Variants in MOGAT3 observed in about 807,000 individuals in gnomAD.
MOGAT3 encodes the protein 2-acylglycerol O-acyltransferase 3.
MOGAT3 carries 39 observed loss-of-function variants against 34.4 expected under a neutral mutation model. The ratio of observed to expected loss-of-function variants is 1.13; its 90% confidence interval spans 0.88 to 1.48. The LOEUF is 1.48. Among genes scored for constraint, MOGAT3 ranks in the 40% most tolerant of loss-of-function variants. The pLI, the probability that MOGAT3 is intolerant of heterozygous loss-of-function variation, is 0.00. For missense variants in MOGAT3, 439 were observed against 438.9 expected (o/e 1.00, Z 0.00); for synonymous variants, 209 against 179.2 (o/e 1.17, Z -1.33).
chr7:101,194,018 G>A (rs758622642), downstream of MOGAT3, among the ~76,000 whole-genome samples: 13 of 151,740 alleles, frequency 8.6e-5, no homozygotes, highest in East Asian at 2.0e-4. Flanking sequence ...TGTTTGAGAC[G>A]GGTCTCGCTT....
Position 101,195,717 on chromosome 7 carries a change from A to C in MOGAT3, c.*229T>G. ...CCACCATGCCCGGCTAATTAACAAC[A>C]TTATTTTTTAATTTTTGTAGAAATG... On this transcript the variant is annotated 3_prime_UTR_variant, in exon 7 of 7. Transcript: ENST00000223114. 1.8e-6 allele frequency: 1 copy of C among 565,800 alleles called. No homozygotes were observed. The highest frequency in any genetic ancestry group is 3.1e-6 in the Non-Finnish European group (1 of 319,426). The allele number at this position is 565,800 out of a possible 1,614,324, so 35.0% of individuals were successfully genotyped here.
At position 101,198,481 on chromosome 7, in the gene MOGAT3, C is replaced by A. The variant is rs376864407; in HGVS notation, c.494-116G>T. 5.9e-3 allele frequency: 7,882 copies of A among 1,338,782 alleles called. 57 individuals are homozygous for A. The highest frequency in any genetic ancestry group is 0.018 in the South Asian group (1,256 of 68,360). 82.9% of individuals were successfully genotyped at this position (1,338,782 alleles called of 1,614,324 possible). On this transcript the variant is annotated intron_variant, in intron 4 of 6. Transcript: ENST00000223114. ...CCATCTCCAAGGCGGGGAACCTACC[C>A]AAATGCTCACTGCAAGTCTGGGCAG...
In MOGAT3 at chr7:101,196,074, G is replaced by A. The variant is rs763725968; in HGVS notation, c.898C>T (p.Arg300Cys). 2 of 1,612,302 alleles carry A rather than the reference G, an allele frequency of 1.2e-6. No homozygotes were observed. Among genetic ancestry groups the A allele is most frequent in the South Asian group, 1.1e-5 (1 of 90,926 alleles). Reference sequence around the variant, plus strand: ...ACTTCCTCCTCGGTGGGGTGGAGGCGCTGGGGGACGGGGATGGGGCGGCCC... The same window carrying A: ...ACTTCCTCCTCGGTGGGGTGGAGGCACTGGGGGACGGGGATGGGGCGGCCC... ...VVGRPIPVPQ[R>C]LHPTEEEVNH... Residue 300 changes from arginine (R) to cysteine (C), a missense_variant, in exon 7 of 7, where the codon CGC becomes TGC. Arg to Cys is a radical substitution (Grantham distance 180). Coordinates refer to ENST00000223114, the MANE Select transcript of MOGAT3 (RefSeq NM_178176.4).
At position 101,200,997 on chromosome 7, in the gene MOGAT3, G is replaced by GCGTGTGTC; in HGVS notation, c.-151_-144dup. ...AAGTCGCAAATCACCTCCCAGAGTA[G>GCGTGTGTC]CGTGTGTCCGTAGGTGTGTGAGTGG... On this transcript the variant is annotated 5_prime_UTR_variant, in exon 1 of 7. Coordinates refer to ENST00000223114, the MANE Select transcript of MOGAT3 (RefSeq NM_178176.4). 8.0e-6 allele frequency: 5 copies of GCGTGTGTC among 622,442 alleles called. No individual in the cohort carries two copies. The South Asian group carries it at 9.8e-5, about 12-fold the overall frequency. The allele number at this position is 622,442 out of a possible 1,614,324, so 38.6% of individuals were successfully genotyped here.
In MOGAT3 at chr7:101,200,475, C is replaced by G; in HGVS notation, c.150G>C (p.Thr50=). The G allele has an allele frequency of 6.2e-7, 1 of 1,605,804 alleles. No homozygotes were observed. Among genetic ancestry groups the G allele is most frequent in the Non-Finnish European group, 8.5e-7 (1 of 1,175,918 alleles). ...AAAAAACAGAGAAGGGCCAGAGTGA[C>G]GTGAAGAGGAGGACAAAGACAAGAA... ...FSLLVFVLLF[T]SLWPFSVFYL... is the part of the protein sequence containing the mutation. The change falls in exon 2 of 7, where the codon ACG becomes ACC. Residue 50 remains threonine, a synonymous_variant. Transcript: ENST00000223114.
downstream of MOGAT3, among the ~76,000 whole-genome samples, chr7:101,193,392 C>T (rs538366242): frequency 3.9e-5 from 6 of 152,164 alleles, no homozygotes; most frequent in Admixed American, 1.3e-4. Flanking sequence ...GGTATCCAGG[C>T]CGAGGTTGCT....
In MOGAT3 at chr7:101,195,099, C is replaced by A. The variant is rs1458922641; in HGVS notation, c.*847G>T. On this transcript the variant is annotated 3_prime_UTR_variant, in exon 7 of 7. Transcript: ENST00000223114. ...GGTCATGCCACAGACTGAACTCTCA[C>A]TGGGAGGACAGTTCAGGGTCCTGAT... The A allele has an allele frequency of 6.6e-6, 1 of 152,282 alleles. No homozygotes were observed. Among genetic ancestry groups the A allele is most frequent in the East Asian group, 1.9e-4 (1 of 5,206 alleles). 9.4% of individuals were successfully genotyped at this position (152,282 alleles called of 1,614,324 possible). A position where few individuals can be genotyped will look rare whatever the true frequency, so the allele number is the denominator to read the frequency against.
chr7:101,196,891 G>A (rs949271909), intron 5 of MOGAT3, among the ~76,000 whole-genome samples: 5 of 150,636 alleles, frequency 3.3e-5, no homozygotes, highest in Admixed American at 1.3e-4. Context: ...GGCTGGGTGC[G>A]GTGGCTCATG....
chr7:101,200,559 C>T lies in MOGAT3; in HGVS notation c.110-44G>A, dbSNP rs373899806. On this transcript the variant is annotated intron_variant, in intron 1 of 6. Coordinates refer to ENST00000223114, the MANE Select transcript of MOGAT3 (RefSeq NM_178176.4). Reference sequence around the variant, plus strand: ...AGAAAAGAGTTCACTTCTGAAACTCCATCATTCCCTCCAGCTGCTCCCTTC... The same window carrying T: ...AGAAAAGAGTTCACTTCTGAAACTCTATCATTCCCTCCAGCTGCTCCCTTC... The T allele has an allele frequency of 2.7e-5, 40 of 1,473,602 alleles. No individual in the cohort carries two copies. In the African/African-American group the frequency reaches 4.5e-4, roughly 17 times the overall value. 91.3% of individuals were successfully genotyped at this position (1,473,602 alleles called of 1,614,324 possible). A position where few individuals can be genotyped will look rare whatever the true frequency, so the allele number is the denominator to read the frequency against.
chr7:101,201,033 G>T lies in MOGAT3; in HGVS notation c.-179C>A. 1 of 542,880 alleles carries T rather than the reference G, an allele frequency of 1.8e-6. No homozygotes were observed. Among genetic ancestry groups the T allele is most frequent in the Middle Eastern group, 4.1e-4 (1 of 2,410 alleles). The allele number at this position is 542,880 out of a possible 1,614,324, so 33.6% of individuals were successfully genotyped here. On this transcript the variant is annotated 5_prime_UTR_variant, in exon 1 of 7. Coordinates refer to ENST00000223114, the MANE Select transcript of MOGAT3 (RefSeq NM_178176.4). Reference sequence around the variant, plus strand: ...TAGGTGTGTGAGTGGGGAGATCTTTGGATCCAGAGCCCCAGATGTCTCTGG... The same window carrying T: ...TAGGTGTGTGAGTGGGGAGATCTTTTGATCCAGAGCCCCAGATGTCTCTGG...
chr7:101,199,547 C>A lies in MOGAT3; in HGVS notation c.288+687G>T, dbSNP rs548892958. 4.0e-3 allele frequency among the ~76,000 whole-genome samples: 609 copies of A among 151,224 alleles called. 1 individual carries two copies. Among genetic ancestry groups the A allele is most frequent in the African/African-American group, 0.014 (578 of 41,210 alleles). On this transcript the variant is annotated intron_variant, in intron 3 of 6. Transcript: ENST00000223114. ...GTCAGGCTGGTCTCGAACTCCTGAC[C>A]TTAGGTGATCCACCCACCTCAGCCT...
chr7:101,197,830 T>A (rs1489301293), intron 5 of MOGAT3, among the ~76,000 whole-genome samples: 1 of 152,098 alleles, frequency 6.6e-6, no homozygotes. Context: ...ACCACGCCTT[T>A]GCACTCCAGC....
chr7:101,198,569 G>A, intron 4 of MOGAT3, 57 bp downstream of exon 4: 1 of 1,537,126 alleles, frequency 6.5e-7, no homozygotes, highest in Non-Finnish European at 8.9e-7. Flanking sequence ...TCCCAGAGGG[G>A]CTGGGGAACA....
At chr7:101,196,496 C>T (rs1797791287) in intron 5 of MOGAT3, 107 bp from the exon 6 acceptor site, 1 of 689,554 alleles carries the variant, frequency 1.5e-6, no homozygotes, top group Non-Finnish European at 2.5e-6. Flanking sequence ...TGCTACCTCC[C>T]AGGGTCATTC....
At chr7:101,199,931 T>C (rs1405754147) in intron 3 of MOGAT3, among the ~76,000 whole-genome samples, 4 of 151,814 alleles carry the variant, frequency 2.6e-5, no homozygotes, top group African/African-American at 9.7e-5. Context: ...CTGTCTCTAC[T>C]AAACTACAAA....
At chr7:101,197,095 G>A (rs1044756152) in intron 5 of MOGAT3, among the ~76,000 whole-genome samples, 16 of 144,630 alleles carry the variant, frequency 1.1e-4, no homozygotes, top group Admixed American at 2.0e-4. Flanking sequence ...GCAGCGAGCC[G>A]AGATCACACC....
intron 5 of MOGAT3, among the ~76,000 whole-genome samples, chr7:101,196,639 T>C (rs4573191): frequency 0.11 from 16,648 of 152,216 alleles, 1,037 homozygotes; most frequent in South Asian, 0.16. Context: ...GAGGCCACGG[T>C]GGGAGGATCA....
chr7:101,196,398 G>T lies in MOGAT3; in HGVS notation c.669-9C>A, dbSNP rs1286038384. 6.3e-7 allele frequency: 1 copy of T among 1,597,432 alleles called. No homozygotes were observed. The highest frequency in any genetic ancestry group is 1.3e-5 in the African/African-American group (1 of 74,390). Reference sequence around the variant, plus strand: ...CGGGCACCAGGGACGCCCTGGGAAGGAGCAAGAGAGAAGAGGGGGCTCAGG... The same window carrying T: ...CGGGCACCAGGGACGCCCTGGGAAGTAGCAAGAGAGAAGAGGGGGCTCAGG... On this transcript the variant is annotated splice_polypyrimidine_tract_variant and intron_variant, in intron 5 of 6. Coordinates refer to ENST00000223114, the MANE Select transcript of MOGAT3 (RefSeq NM_178176.4).
At position 101,198,379 on chromosome 7, in the gene MOGAT3, G is replaced by T. The variant is rs371433949; in HGVS notation, c.494-14C>A. 2.0e-6 allele frequency: 3 copies of T among 1,529,066 alleles called. No individual in the cohort carries two copies. In the African/African-American group the frequency reaches 4.2e-5, roughly 21 times the overall value. The allele number at this position is 1,529,066 out of a possible 1,614,324, so 94.7% of individuals were successfully genotyped here. ...CCGGACAGAGTCCTGTGGGCAGGAG[G>T]AGGTGGAAAGTAGTTCCCATCTGCC... On this transcript the variant is annotated splice_polypyrimidine_tract_variant and intron_variant, in intron 4 of 6. Transcript: ENST00000223114.
Sources: allele counts gnomAD v4.1 joint callset (sites outside exome capture counted in the v4.1 genomes callset), GRCh38; gene constraint gnomAD v4.1.1; transcripts MANE v1.5; gene names NCBI Gene and HGNC (gene_info 2026-07-23, HGNC 2026-07-21).